Variants in NOL11 observed in about 807,000 individuals in gnomAD.
NOL11 encodes nucleolar protein 11.
Under a neutral mutation model 93.0 loss-of-function variants are expected in NOL11, and 42 were observed. The ratio of observed to expected loss-of-function variants is 0.45; its 90% CI spans 0.35 to 0.58. NOL11 has a LOEUF of 0.58. Ranked by LOEUF, NOL11 falls within the 20% of genes least tolerant of loss-of-function variation. NOL11 has a pLI of 0.00. For missense variants in NOL11, 775 were observed against 841.8 expected, an observed-to-expected ratio of 0.92 and a Z score of 0.98; for synonymous variants, 296 against 293.7, an observed-to-expected ratio of 1.01 and a Z score of -0.08.
At chr17:67,729,165 G>T (rs2055127895) in intron 7 of NOL11, among the ~76,000 whole-genome samples, 1 of 151,716 alleles carries the variant, frequency 6.6e-6, no homozygotes, top group Non-Finnish European at 1.5e-5. Flanking sequence ...CGGGATCTCG[G>T]CTCACTGCAA....
rs2055282390 is a variant in NOL11, at chr17:67,744,426, T to C, written c.*567T>C. 1 of 152,262 alleles carries C rather than the reference T, an allele frequency of 6.6e-6. No individual in the cohort carries two copies. Among genetic ancestry groups the C allele is most frequent in the Non-Finnish European group, 1.5e-5 (1 of 68,056 alleles). 9.4% of individuals were successfully genotyped at this position (152,262 alleles called of 1,614,324 possible). A position where few individuals can be genotyped will look rare whatever the true frequency, so the allele number is the denominator to read the frequency against. Reference sequence around the variant, plus strand: ...CAGCCCAGCTTTACAGAAAGAATCCTGATGGCTGAATTTACCTTGCAGTAG... The same window carrying C: ...CAGCCCAGCTTTACAGAAAGAATCCCGATGGCTGAATTTACCTTGCAGTAG... On this transcript the variant is annotated 3_prime_UTR_variant, in exon 18 of 18. Coordinates refer to ENST00000253247, the MANE Select transcript of NOL11 (RefSeq NM_015462.5).
At chr17:67,721,547 G>C (rs1391072496) in intron 4 of NOL11, 21 bp downstream of exon 4, 2 of 1,591,698 alleles carry the variant, frequency 1.3e-6, no homozygotes, top group Non-Finnish European at 1.7e-6. Flanking sequence ...GTACTTGTAA[G>C]TAAATTTATC....
chr17:67,722,879 A>C (rs1322551680), intron 5 of NOL11, among the ~76,000 whole-genome samples: 2 of 152,052 alleles, frequency 1.3e-5, no homozygotes, highest in Admixed American at 1.3e-4. Flanking sequence ...TTGTAGAGAC[A>C]GGGTCTCACT....
At position 67,738,267 on chromosome 17, in the gene NOL11, A is replaced by G; in HGVS notation, c.1675A>G (p.Asn559Asp). ...CAATCCTGAAGAAGATAAATGCAAT[A>G]ACTGTGATCAAGAGTTAAATAAAAA... ...GFNPEEDKCNNCDQELNKKPQ... is the reference protein window; with the variant it reads ...GFNPEEDKCNDCDQELNKKPQ... Residue 559 changes from asparagine (N) to aspartate (D), a missense_variant, in exon 14 of 18, where the codon AAC becomes GAC. By Grantham distance (23) the Asn-to-Asp change is conservative. Coordinates refer to ENST00000253247, the MANE Select transcript of NOL11 (RefSeq NM_015462.5). 6.2e-7 allele frequency: 1 copy of G among 1,614,042 alleles called. No individual in the cohort carries two copies. Among genetic ancestry groups the G allele is most frequent in the Non-Finnish European group, 8.5e-7 (1 of 1,179,934 alleles).
chr17:67,723,013 T>C (rs1047396514), intron 5 of NOL11, among the ~76,000 whole-genome samples: 17 of 7,436 alleles, frequency 2.3e-3, no homozygotes, highest in Admixed American at 0.012. Context: ...AACTTTTTTT[T>C]TTTTTTTTTT....
intron 14 of NOL11, chr17:67,738,723 C>T (rs756044769): frequency 3.0e-5 from 15 of 494,100 alleles, no homozygotes; most frequent in Non-Finnish European, 4.3e-5. Flanking sequence ...GAAGCTCTAT[C>T]AATTCTGAAG....
intron 16 of NOL11, among the ~76,000 whole-genome samples, chr17:67,740,144 A>G (rs2055241404): frequency 6.6e-6 from 1 of 151,934 alleles, no homozygotes; most frequent in Non-Finnish European, 1.5e-5. Flanking sequence ...CTGAGGCAGG[A>G]GAACTGTTTG....
At position 67,737,545 on chromosome 17, in the gene NOL11, A is replaced by G. The variant is rs142174717; in HGVS notation, c.1256A>G (p.Lys419Arg). The change falls in exon 12 of 18, where the codon AAA becomes AGA. Residue 419 changes from lysine to arginine, a missense_variant. By Grantham distance (26) the Lys-to-Arg change is conservative (BLOSUM62 2). Coordinates refer to ENST00000253247, the MANE Select transcript of NOL11 (RefSeq NM_015462.5). The part of the protein sequence containing the change: ...SEKHIEVEVR[K>R]FLALKQTPDF... ...AAACACATTGAAGTAGAAGTACGGA[A>G]ATTTTTGGCTCTGAAGCAGACACCT... 5,292 of 1,608,092 alleles carry G rather than the reference A, an allele frequency of 3.3e-3. 13 individuals are homozygous for G. The highest frequency in any genetic ancestry group is 4.2e-3 in the Non-Finnish European group (4,932 of 1,178,538).
intron 14 of NOL11, 113 bp downstream of exon 14, chr17:67,738,468 T>C (rs1392830152): frequency 1.5e-6 from 1 of 679,650 alleles, no homozygotes; most frequent in African/African-American, 1.8e-5. Flanking sequence ...CTTTTCCAAT[T>C]GTTTTTTGTT....
At chr17:67,722,535 G>C in intron 4 of NOL11, 45 bp from the exon 5 acceptor site, 1 of 1,548,302 alleles carries the variant, frequency 6.5e-7, no homozygotes, top group Non-Finnish European at 8.6e-7. Flanking sequence ...TCTCCCAGCT[G>C]GTGATTTTTG....
chr17:67,741,754 GATTTC>G (rs1316436086), intron 16 of NOL11, among the ~76,000 whole-genome samples: 17 of 151,772 alleles, frequency 1.1e-4, no homozygotes, highest in Non-Finnish European at 2.4e-4. Context: ...GTAGAGACAG[GATTTC>G]ACCATGTTGT....
In NOL11 at chr17:67,717,942, C is replaced by T. The variant is rs760509558; in HGVS notation, c.-6C>T. The T allele has an allele frequency of 1.9e-6, 3 of 1,613,918 alleles. No individual in the cohort carries two copies. Among genetic ancestry groups the T allele is most frequent in the African/African-American group, 1.3e-5 (1 of 74,948 alleles). The stretch of plus-strand genomic sequence containing the variant: ...GTGAGCGCGGCCGTACTTAGGTTTG[C>T]TCAAAATGGCAGCGCTGGAGGAAGA... On this transcript the variant is annotated 5_prime_UTR_variant, in exon 1 of 18. Transcript: ENST00000253247.
At chr17:67,725,508 A>G (rs2055083395) in intron 6 of NOL11, among the ~76,000 whole-genome samples, 3 of 152,188 alleles carry the variant, frequency 2.0e-5, no homozygotes, top group Admixed American at 2.0e-4. Flanking sequence ...CATAGGAAAC[A>G]TTTCCATATT....
At chr17:67,736,997 G>A in intron 10 of NOL11, 74 bp from the exon 11 acceptor site, 1 of 1,004,234 alleles carries the variant, frequency 1.0e-6, no homozygotes, top group Non-Finnish European at 1.6e-6. Flanking sequence ...TCTTTGGAGT[G>A]TTTCATATCC....
intron 1 of NOL11, 94 bp downstream of exon 1, chr17:67,718,182 G>T: frequency 6.5e-7 from 1 of 1,531,348 alleles, no homozygotes; most frequent in East Asian, 2.3e-5. Context: ...TTCAGAAAGA[G>T]ATCGTGGAGA....
At position 67,738,323 on chromosome 17, in the gene NOL11, A is replaced by G. The variant is rs2055223100; in HGVS notation, c.1731A>G (p.Ser577=). 1.2e-6 allele frequency: 2 copies of G among 1,613,446 alleles called. No individual in the cohort carries two copies. Among genetic ancestry groups the G allele is most frequent in the Non-Finnish European group, 1.7e-6 (2 of 1,179,768 alleles). ...KPQDETKEST[S]CPVVQKRAAL... Reference sequence around the variant, plus strand: ...AGGACGAAACAAAGGAGAGCACTTCATGCCCTGTGGTACAAAAAAGAGCAG... The same window carrying G: ...AGGACGAAACAAAGGAGAGCACTTCGTGCCCTGTGGTACAAAAAAGAGCAG... The change falls in exon 14 of 18, where the codon TCA becomes TCG. Residue 577 remains serine, a synonymous_variant. Coordinates refer to ENST00000253247, the MANE Select transcript of NOL11 (RefSeq NM_015462.5).
chr17:67,729,900 T>A (rs1286753740), intron 7 of NOL11, among the ~76,000 whole-genome samples: 1 of 152,146 alleles, frequency 6.6e-6, no homozygotes, highest in African/African-American at 2.4e-5. Context: ...ACTTTTTGTG[T>A]CTGGCTTCTT....
chr17:67,737,309 G>C (rs905460146), intron 11 of NOL11, among the ~76,000 whole-genome samples, 164 bp downstream of exon 11: 11 of 152,126 alleles, frequency 7.2e-5, no homozygotes, highest in African/African-American at 2.7e-4. Flanking sequence ...TGGCTTCTTT[G>C]ATGCTCGCTG....
intron 9 of NOL11, 136 bp downstream of exon 9, chr17:67,736,159 G>T: frequency 1.2e-6 from 1 of 800,870 alleles, no homozygotes; most frequent in Non-Finnish European, 1.9e-6. Context: ...TGAAACTTGT[G>T]AACAGGCCAG....
Sources: allele counts gnomAD v4.1 joint callset (sites outside exome capture counted in the v4.1 genomes callset), GRCh38; gene constraint gnomAD v4.1.1; transcripts MANE v1.5; gene names NCBI Gene and HGNC (gene_info 2026-07-23, HGNC 2026-07-21).